Variants in PTPRG observed in about 807,000 individuals in gnomAD.
PTPRG encodes receptor-type tyrosine-protein phosphatase gamma.
In PTPRG, 102 loss-of-function variants were observed where a neutral mutation model predicts 165.3. The ratio of observed to expected loss-of-function variants is 0.62; its 90% confidence interval spans 0.53 to 0.73. PTPRG has a LOEUF of 0.73. PTPRG is among the 30% of genes least tolerant of loss of function. The pLI is 0.00. For missense variants in PTPRG, 1,866 were observed against 1,861.4 expected, an observed-to-expected ratio of 1.00 and a Z score of -0.05; for synonymous variants, 675 against 669.5, an observed-to-expected ratio of 1.01 and a Z score of -0.13.
intron 2 of PTPRG, among the ~76,000 whole-genome samples, chr3:61,791,359 C>G (rs951405137): frequency 1.3e-5 from 2 of 152,222 alleles, no homozygotes; most frequent in South Asian, 2.1e-4. Context: ...GCATGCTGTT[C>G]CAGCCTTTGA....
intron 2 of PTPRG, among the ~76,000 whole-genome samples, chr3:61,818,972 C>A (rs2035875431): frequency 1.3e-5 from 2 of 151,800 alleles, no homozygotes; most frequent in Admixed American, 1.3e-4. Flanking sequence ...CTCAAATCAT[C>A]CCAGATAAAT....
At chr3:61,740,451 G>A (rs550649582) in intron 1 of PTPRG, among the ~76,000 whole-genome samples, 2 of 152,228 alleles carry the variant, frequency 1.3e-5, no homozygotes, top group South Asian at 2.1e-4. Flanking sequence ...GTTGGAAAGT[G>A]TGTATTTTTT....
At chr3:61,956,075 C>G (rs914426367) in intron 2 of PTPRG, among the ~76,000 whole-genome samples, 4 of 143,618 alleles carry the variant, frequency 2.8e-5, no homozygotes, top group Admixed American at 1.4e-4. Context: ...AGCATGTGGA[C>G]TAAGGGGAAA....
chr3:62,005,750 G>A (rs1180009872), intron 4 of PTPRG, among the ~76,000 whole-genome samples: 2 of 119,468 alleles, frequency 1.7e-5, no homozygotes, highest in Non-Finnish European at 3.2e-5. Context: ...GCCCAGGCTG[G>A]AATGTAGTGG....
intron 2 of PTPRG, among the ~76,000 whole-genome samples, chr3:61,894,423 G>C (rs971469366): frequency 6.7e-6 from 1 of 150,070 alleles, no homozygotes; most frequent in African/African-American, 2.5e-5. Context: ...GGTTTACTCT[G>C]TTGGCAGCTG....
intron 13 of PTPRG, among the ~76,000 whole-genome samples, chr3:62,225,518 G>GT (rs572658241): frequency 0.02 from 2,762 of 140,888 alleles, 57 homozygotes; most frequent in African/African-American, 0.057. Context: ...TTTTAGTTTT[G>GT]TTTTTTTTTT....
chr3:61,644,911 A>G lies in PTPRG; in HGVS notation c.85+82539A>G, dbSNP rs148170628. Among the ~76,000 whole-genome samples, 16 of 152,346 alleles carry G rather than the reference A, an allele frequency of 1.1e-4. No individual in the cohort carries two copies. In the East Asian group the frequency reaches 3.1e-3, roughly 29 times the overall value. Reference sequence around the variant, plus strand: ...CAACAAGAAAAGAAGGTGTTGCTTTATGGTCGACATAACCCATTTGCTGCT... The same window carrying G: ...CAACAAGAAAAGAAGGTGTTGCTTTGTGGTCGACATAACCCATTTGCTGCT... On this transcript the variant is annotated intron_variant, in intron 1 of 29. Coordinates refer to ENST00000474889, the MANE Select transcript of PTPRG (RefSeq NM_002841.4).
intron 2 of PTPRG, among the ~76,000 whole-genome samples, chr3:61,870,251 T>C (rs1472716047): frequency 6.6e-6 from 1 of 152,094 alleles, no homozygotes; most frequent in South Asian, 2.1e-4. Context: ...TATATAAAAA[T>C]AAGTTTTGGT....
intron 1 of PTPRG, among the ~76,000 whole-genome samples, chr3:61,731,166 T>C (rs1415280367): frequency 6.6e-6 from 1 of 152,132 alleles, no homozygotes; most frequent in Non-Finnish European, 1.5e-5. Flanking sequence ...TTTACCCCCG[T>C]TGAGTTAGCA....
chr3:61,749,062 A>G, intron 2 of PTPRG, 80 bp downstream of exon 2: 2 of 1,113,980 alleles, frequency 1.8e-6, no homozygotes, highest in Non-Finnish European at 2.7e-6. Flanking sequence ...ACTTTGAATC[A>G]CTTTTATGCC....
At chr3:61,682,149 C>CAAAA (rs35398190) in intron 1 of PTPRG, among the ~76,000 whole-genome samples, 81,777 of 96,754 alleles carry the variant, frequency 0.85, 35,275 homozygotes, top group East Asian at 0.95. Context: ...ACTCCTGTCT[C>CAAAA]AAAAAAAAAA....
chr3:62,253,519 T>C (rs893152371), intron 15 of PTPRG, among the ~76,000 whole-genome samples: 1 of 152,204 alleles, frequency 6.6e-6, no homozygotes, highest in Non-Finnish European at 1.5e-5. Context: ...GCTTTGTACA[T>C]AGTAACCCTT....
At chr3:62,167,891 G>C in intron 7 of PTPRG, 80 bp from the exon 8 acceptor site, 1 of 1,420,876 alleles carries the variant, frequency 7.0e-7, no homozygotes. Flanking sequence ...ACCTGCTTTG[G>C]ACCAAATAGC....
In PTPRG at chr3:62,277,496, A is replaced by G. The variant is rs1022284142; in HGVS notation, c.3637-55A>G. 1.9e-6 allele frequency: 3 copies of G among 1,570,462 alleles called. No individual in the cohort carries two copies. The African/African-American group carries it at 4.1e-5, about 21-fold the overall frequency. ...TTTCATGAATATATTTTACTACCAC[A>G]AAGTTAGAATAAAACACTCATATTC... On this transcript the variant is annotated intron_variant, in intron 25 of 29. Transcript: ENST00000474889.
intron 17 of PTPRG, among the ~76,000 whole-genome samples, chr3:62,264,519 C>T (rs559105781): frequency 8.5e-5 from 13 of 152,250 alleles, no homozygotes; most frequent in Admixed American, 5.9e-4. Context: ...ATATTCTGGA[C>T]ATTTCATATA....
intron 2 of PTPRG, among the ~76,000 whole-genome samples, chr3:61,864,264 C>T (rs1559655750): frequency 1.3e-5 from 2 of 151,964 alleles, no homozygotes; most frequent in Admixed American, 1.3e-4. Flanking sequence ...ATCATTTTAC[C>T]CTTATTTACC....
chr3:61,626,252 G>A (rs1701605891), intron 1 of PTPRG, among the ~76,000 whole-genome samples: 1 of 151,990 alleles, frequency 6.6e-6, no homozygotes, highest in South Asian at 2.1e-4. Context: ...GTCTCTAATT[G>A]TCCATCCTGA....
chr3:61,696,086 T>G (rs993187719), intron 1 of PTPRG, among the ~76,000 whole-genome samples: 3 of 152,202 alleles, frequency 2.0e-5, no homozygotes, highest in Non-Finnish European at 4.4e-5. Flanking sequence ...GGTGTTGTTA[T>G]GAGAACAAAC....
Position 62,134,797 on chromosome 3 carries a change from A to T in PTPRG, c.682+2129A>T, listed in dbSNP as rs141589741. Among the ~76,000 whole-genome samples, 393 of 152,356 alleles carry T rather than the reference A, an allele frequency of 2.6e-3. 1 individual carries two copies. Among genetic ancestry groups the T allele is most frequent in the African/African-American group, 8.7e-3 (362 of 41,588 alleles). On this transcript the variant is annotated intron_variant, in intron 6 of 29. Coordinates refer to ENST00000474889, the MANE Select transcript of PTPRG (RefSeq NM_002841.4). ...AGTAGGTACTCAGTATGTTAGTCAA[A>T]TGACTGAATCAAGTAAGCATACAAA...
Sources: gnomAD v4.1 joint callset for allele counts (sites outside exome capture counted in the v4.1 genomes callset) on GRCh38, gnomAD v4.1.1 for gene constraint, MANE v1.5 for transcripts, NCBI Gene and HGNC (gene_info 2026-07-23, HGNC 2026-07-21) for gene names.